NPIPB11: variants seen among roughly 807,000 people sequenced by gnomAD.
NPIPB11 encodes the protein nuclear pore complex interacting protein family member B11.
Under a neutral mutation model 32.8 loss-of-function variants are expected in NPIPB11, and 17 were observed. The ratio of observed to expected loss-of-function variants is 0.52; its 90% confidence interval spans 0.35 to 0.78. The LOEUF is 0.78. Among genes scored for constraint, NPIPB11 ranks in the 30% least tolerant of loss-of-function variants. The pLI is 0.01. For missense variants in NPIPB11, 537 were observed against 1,000.4 expected, an observed-to-expected ratio of 0.54 and a Z score of 6.25; for synonymous variants, 209 against 398.4, an observed-to-expected ratio of 0.52 and a Z score of 5.66.
At chr16:29,382,251 T>A in exon 8 of NPIPB11, 1 of 1,598,758 alleles carries the variant, frequency 6.3e-7, no homozygotes. Context: ...GAGATTATCA[T>A]CCGCTGAGGG....
intron 2 of NPIPB11, among the ~76,000 whole-genome samples, chr16:29,401,824 G>A (rs1302242907): frequency 6.6e-6 from 1 of 151,990 alleles, no homozygotes; most frequent in Non-Finnish European, 1.5e-5. Flanking sequence ...GTGGCAGGAT[G>A]AGGGCATGTG....
At chr16:29,382,998 G>C (rs748831812) in exon 8 of NPIPB11, 3 of 1,604,354 alleles carry the variant, frequency 1.9e-6, no homozygotes, top group Non-Finnish European at 2.5e-6. Context: ...GCTGACGCTC[G>C]GAAGGTGTCT....
At chr16:29,401,304 T>C (rs1310054578) in intron 2 of NPIPB11, among the ~76,000 whole-genome samples, 2 of 152,146 alleles carry the variant, frequency 1.3e-5, no homozygotes, top group Non-Finnish European at 2.9e-5. Flanking sequence ...ACTCTCTCAA[T>C]GTTCCCATCC....
chr16:29,388,972 G>A (rs1460612991), intron 5 of NPIPB11, among the ~76,000 whole-genome samples: 13 of 143,344 alleles, frequency 9.1e-5, no homozygotes, highest in East Asian at 2.1e-4. Context: ...CGAGGTGTGC[G>A]GATCATGATG....
chr16:29,404,679 T>C (rs1407029027), upstream of NPIPB11, among the ~76,000 whole-genome samples: 1 of 151,644 alleles, frequency 6.6e-6, no homozygotes, highest in Admixed American at 6.6e-5. Context: ...TGCATCTGCC[T>C]TCTCAGTGCT....
At position 29,392,248 on chromosome 16, in the gene NPIPB11, G is replaced by A. The variant is rs1170496750; in HGVS notation, c.249+1700C>T. On this transcript the variant is annotated intron_variant, in intron 3 of 7. Transcript: ENST00000524087. ...AAACACATGAAGAAATGACAAGCAA[G>A]GAAATGCCATCATGCATGAATGCTT... Among the ~76,000 whole-genome samples, 4 of 152,232 alleles carry A rather than the reference G, an allele frequency of 2.6e-5. No homozygotes were observed. The East Asian group carries it at 5.8e-4, about 22-fold the overall frequency.
At chr16:29,389,108 T>A (rs1396479993) in intron 5 of NPIPB11, among the ~76,000 whole-genome samples, 4 of 150,634 alleles carry the variant, frequency 2.7e-5, no homozygotes, top group Non-Finnish European at 5.9e-5. Flanking sequence ...GAGATAAGAA[T>A]CGCTTGAACC....
At chr16:29,399,952 C>T (rs1963950268) in intron 2 of NPIPB11, among the ~76,000 whole-genome samples, 1 of 151,692 alleles carries the variant, frequency 6.6e-6, no homozygotes, top group African/African-American at 2.4e-5. Flanking sequence ...TGGCACCCGC[C>T]TGTAATCCCA....
chr16:29,389,754 A>C (rs1027364479), intron 5 of NPIPB11, among the ~76,000 whole-genome samples, 187 bp downstream of exon 5: 1 of 151,360 alleles, frequency 6.6e-6, no homozygotes, highest in Non-Finnish European at 1.5e-5. Flanking sequence ...AAAAAATTAC[A>C]AACAAGAATG....
At position 29,399,183 on chromosome 16, in the gene NPIPB11, G is replaced by A. The variant is rs545207544; in HGVS notation, c.120+4500C>T. Among the ~76,000 whole-genome samples the A allele has an allele frequency of 2.4e-3, 359 of 152,138 alleles. 4 individuals are homozygous for A. The highest frequency in any genetic ancestry group is 7.7e-3 in the African/African-American group (318 of 41,446). ...CCCCCACTGTCCATCACCTTTCCTG[G>A]CCCTGTCCTCAGTTAAACTTCCCAC... is the stretch of plus-strand genomic sequence containing the variant. On this transcript the variant is annotated intron_variant, in intron 2 of 7. Transcript: ENST00000524087.
At chr16:29,399,644 G>A (rs1337562306) in intron 2 of NPIPB11, among the ~76,000 whole-genome samples, 1 of 152,070 alleles carries the variant, frequency 6.6e-6, no homozygotes, top group African/African-American at 2.4e-5. Flanking sequence ...TCTGCAGTGA[G>A]CCGAGATTGC....
chr16:29,402,698 GTCTC>G (rs762980727), intron 2 of NPIPB11, among the ~76,000 whole-genome samples: 155 of 118,908 alleles, frequency 1.3e-3, no homozygotes, highest in Admixed American at 3.9e-3. Context: ...GTGAAACTCT[GTCTC>G]TCTCTCTCTC....
intron 2 of NPIPB11, among the ~76,000 whole-genome samples, chr16:29,398,858 C>T (rs1483231294): frequency 1.3e-5 from 2 of 152,214 alleles, no homozygotes; most frequent in African/African-American, 4.8e-5. Flanking sequence ...CCCCCTAACC[C>T]ACCTAGACAT....
intron 2 of NPIPB11, among the ~76,000 whole-genome samples, chr16:29,398,903 C>T (rs1963923468): frequency 6.6e-6 from 1 of 151,890 alleles, no homozygotes; most frequent in African/African-American, 2.4e-5. Context: ...ATGTCCTTAT[C>T]TATAATCATC....
In NPIPB11 at chr16:29,390,260, C is replaced by T. The variant is rs775660103; in HGVS notation, c.338G>A (p.Arg113His). Residue 113 changes from arginine (R) to histidine (H), a missense_variant, in exon 4 of 8, where the codon CGT becomes CAT. Coordinates refer to ENST00000524087, the Ensembl canonical transcript of NPIPB11. ...CAACAGAGCCATACCTTCCTGTCTA[C>T]GGCGGTTGGACCTCCAGGCTCTCTG... 971 of 1,587,572 alleles carry T rather than the reference C, an allele frequency of 6.1e-4. 1 individual carries two copies. The highest frequency in any genetic ancestry group is 2.7e-3 in the Middle Eastern group (12 of 4,402).
chr16:29,390,445 A>G, intron 3 of NPIPB11, 97 bp from the exon 4 acceptor site: 5 of 1,579,520 alleles, frequency 3.2e-6, no homozygotes, highest in Non-Finnish European at 3.4e-6. Flanking sequence ...TCACGGGGTC[A>G]GGAGCAAGAC....
chr16:29,389,301 G>A (rs932104290), intron 5 of NPIPB11, among the ~76,000 whole-genome samples: 2 of 148,568 alleles, frequency 1.3e-5, no homozygotes, highest in Admixed American at 6.8e-5. Context: ...GGCAGAGGTT[G>A]CAGTGAGCCA....
At chr16:29,394,290 G>A (rs922042692) in intron 2 of NPIPB11, among the ~76,000 whole-genome samples, 1 of 152,000 alleles carries the variant, frequency 6.6e-6, no homozygotes, top group Non-Finnish European at 1.5e-5. Flanking sequence ...TGCAAATGTG[G>A]GGTGTTGTCT....
At position 29,389,914 on chromosome 16, in the gene NPIPB11, C is replaced by T. The variant is rs766515053; in HGVS notation, c.545+27G>A. 1.2e-5 allele frequency: 19 copies of T among 1,584,058 alleles called. No individual in the cohort carries two copies. The African/African-American group carries it at 2.5e-4, about 20-fold the overall frequency. On this transcript the variant is annotated intron_variant, in intron 5 of 7. Coordinates refer to ENST00000524087, the Ensembl canonical transcript of NPIPB11. ...TTTGATTGGCACATGGTTCCTACAA[C>T]AGTATTTGTGTCAAGGCACATCTTA... is the stretch of plus-strand genomic sequence containing the variant.
Sources: allele counts gnomAD v4.1 joint callset (sites outside exome capture counted in the v4.1 genomes callset), GRCh38; gene constraint gnomAD v4.1.1; transcripts MANE v1.5; gene names NCBI Gene and HGNC (gene_info 2026-07-23, HGNC 2026-07-21).